The following MIR2052HG variants were observed in gnomAD, a reference collection of about 807,000 sequenced individuals.
MIR2052HG encodes the protein MIR2052 host gene.
intron 1 of MIR2052HG, among the ~76,000 whole-genome samples, chr8:74,605,047 A>G (rs1225910343): frequency 4.6e-5 from 7 of 152,120 alleles, no homozygotes; most frequent in Non-Finnish European, 7.4e-5. Context: ...CTGTGTCTTA[A>G]GACCCATATT....
chr8:74,668,907 C>T (rs1808960863), intron 2 of MIR2052HG, among the ~76,000 whole-genome samples: 1 of 152,168 alleles, frequency 6.6e-6, no homozygotes. Context: ...AATTAAAGTT[C>T]AATCTCTCCT....
rs544236677 is a variant in MIR2052HG, at chr8:74,600,620, G to T, written n.128+712G>T. 2.6e-5 allele frequency among the ~76,000 whole-genome samples: 4 copies of T among 151,142 alleles called. No homozygotes were observed. The East Asian group carries it at 7.8e-4, about 29-fold the overall frequency. Reference sequence around the variant, plus strand: ...AAAAAGAGACGGAGCTCTGTCAGCAGGCTGGAGTGCGGTGGCACAATCTTG... The same window carrying T: ...AAAAAGAGACGGAGCTCTGTCAGCATGCTGGAGTGCGGTGGCACAATCTTG... On this transcript the variant is annotated intron_variant and non_coding_transcript_variant, in intron 1 of 6. Transcript: ENST00000523442.
intron 4 of MIR2052HG, among the ~76,000 whole-genome samples, chr8:74,740,982 A>T (rs571768423): frequency 1.9e-4 from 29 of 152,342 alleles, no homozygotes; most frequent in Non-Finnish European, 3.4e-4. Context: ...GTAAATGCTG[A>T]ATTAGCAAAT....
intron 4 of MIR2052HG, among the ~76,000 whole-genome samples, chr8:74,705,157 T>G (rs1006407831): frequency 1.3e-5 from 2 of 152,014 alleles, no homozygotes; most frequent in Admixed American, 6.6e-5. Flanking sequence ...TGTCTCAATT[T>G]TGATTTCTAA....
intron 4 of MIR2052HG, among the ~76,000 whole-genome samples, chr8:74,708,244 A>ATAG (rs1809430723): frequency 6.6e-6 from 1 of 152,142 alleles, no homozygotes; most frequent in African/African-American, 2.4e-5. Context: ...TGAATGGGAA[A>ATAG]ACCTTTGCAA....
chr8:74,636,678 C>T (rs1322377846), intron 2 of MIR2052HG, among the ~76,000 whole-genome samples: 7 of 152,010 alleles, frequency 4.6e-5, no homozygotes, highest in Non-Finnish European at 7.4e-5. Context: ...TGCTACCTAT[C>T]GTATACCCTG....
intron 4 of MIR2052HG, among the ~76,000 whole-genome samples, chr8:74,745,385 T>C (rs1015145716): frequency 1.3e-5 from 2 of 152,234 alleles, no homozygotes; most frequent in Non-Finnish European, 2.9e-5. Context: ...ATTTATTAAA[T>C]ATGGCTCCAT....
At chr8:74,647,733 AC>A (rs1479194435) in intron 2 of MIR2052HG, among the ~76,000 whole-genome samples, 12 of 152,338 alleles carry the variant, frequency 7.9e-5, no homozygotes, top group African/African-American at 2.9e-4. Context: ...TGGCAGAAGA[AC>A]ATGAATTGTG....
chr8:74,699,799 A>G (rs1809340045), intron 2 of MIR2052HG, among the ~76,000 whole-genome samples: 1 of 152,114 alleles, frequency 6.6e-6, no homozygotes, highest in South Asian at 2.1e-4. Context: ...TAAAAAATAC[A>G]ATTAAGTGGA....
At chr8:74,718,464 G>GT (rs1254647576) in intron 4 of MIR2052HG, among the ~76,000 whole-genome samples, 1 of 152,028 alleles carries the variant, frequency 6.6e-6, no homozygotes. Context: ...TCACCACTTT[G>GT]TTTTTGTCCA....
chr8:74,744,973 T>C (rs958128856), intron 4 of MIR2052HG, among the ~76,000 whole-genome samples: 7 of 152,172 alleles, frequency 4.6e-5, no homozygotes, highest in Non-Finnish European at 8.8e-5. Context: ...GTTTACGACC[T>C]CATTACAAGG....
intron 4 of MIR2052HG, among the ~76,000 whole-genome samples, chr8:74,742,197 A>T (rs909791388): frequency 3.9e-5 from 6 of 152,156 alleles, no homozygotes; most frequent in Non-Finnish European, 7.4e-5. Flanking sequence ...AAGATCACAA[A>T]AGATTGGTTT....
intron 4 of MIR2052HG, among the ~76,000 whole-genome samples, chr8:74,706,264 T>C (rs1809409264): frequency 6.6e-6 from 1 of 152,100 alleles, no homozygotes; most frequent in South Asian, 2.1e-4. Context: ...CTTGAGTAGT[T>C]GTACTTCTGA....
intron 2 of MIR2052HG, among the ~76,000 whole-genome samples, chr8:74,684,057 G>T (rs1308017560): frequency 1.3e-5 from 2 of 152,022 alleles, no homozygotes; most frequent in Non-Finnish European, 2.9e-5. Flanking sequence ...TATTCCACAA[G>T]TCCTTATGGA....
chr8:74,652,794 G>A (rs567185959), intron 2 of MIR2052HG, among the ~76,000 whole-genome samples: 3 of 152,230 alleles, frequency 2.0e-5, no homozygotes, highest in Middle Eastern at 3.4e-3. Context: ...AATTTTATGT[G>A]AACTGGCCAC....
chr8:74,631,128 G>A (rs1177387086), intron 2 of MIR2052HG, among the ~76,000 whole-genome samples: 1 of 152,174 alleles, frequency 6.6e-6, no homozygotes, highest in Non-Finnish European at 1.5e-5. Context: ...CAATTATCAT[G>A]TAAGGTATAC....
intron 2 of MIR2052HG, among the ~76,000 whole-genome samples, chr8:74,653,397 C>T (rs185283413): frequency 1.2e-3 from 181 of 152,278 alleles, no homozygotes; most frequent in Admixed American, 3.2e-3. Context: ...ATCAGACATA[C>T]ATAATTTTTT....
chr8:74,674,828 TTACA>T (rs1809033576), intron 2 of MIR2052HG, among the ~76,000 whole-genome samples: 1 of 151,894 alleles, frequency 6.6e-6, no homozygotes, highest in Non-Finnish European at 1.5e-5. Flanking sequence ...ACTATACTAC[TTACA>T]TACTATATGT....
chr8:74,702,386 T>C (rs1321100855), exon 3 of MIR2052HG: 2 of 453,724 alleles, frequency 4.4e-6, no homozygotes, highest in African/African-American at 4.0e-5. Context: ...CAGCTGAAGC[T>C]ATGCCATCTT....
Sources: gnomAD v4.1 joint callset for allele counts (sites outside exome capture counted in the v4.1 genomes callset) on GRCh38, gnomAD v4.1.1 for gene constraint, MANE v1.5 for transcripts, NCBI Gene and HGNC (gene_info 2026-07-23, HGNC 2026-07-21) for gene names.